CDH20: variants seen among roughly 807,000 people sequenced by gnomAD.
CDH20 encodes cadherin-20.
In CDH20, 29 loss-of-function variants were observed where a neutral mutation model predicts 74.2. The observed-to-expected ratio is 0.39, with a 90% confidence interval of 0.29 to 0.53. CDH20 has a LOEUF of 0.53. Ranked by LOEUF, CDH20 falls within the 20% of genes least tolerant of loss-of-function variation. The pLI, the probability that CDH20 is intolerant of heterozygous loss-of-function variation, is 0.69. For missense variants in CDH20, 988 were observed against 1,048.3 expected (o/e 0.94, Z 0.79); for synonymous variants, 469 against 405.4 (o/e 1.16, Z -1.88).
Position 61,490,777 on chromosome 18 carries a change from C to T in CDH20, c.224C>T (p.Thr75Ile). 1 of 1,614,090 alleles carries T rather than the reference C, an allele frequency of 6.2e-7. No individual in the cohort carries two copies. Among genetic ancestry groups the T allele is most frequent in the Non-Finnish European group, 8.5e-7 (1 of 1,180,010 alleles). ...TTCGTTCTGGAAGAGTACACTGGGA[C>T]CGACCCTTTGTATGTCGGCAAGGTA... ...QFFVLEEYTGTDPLYVGKLHS... is the reference protein window; with the variant it reads ...QFFVLEEYTGIDPLYVGKLHS... Residue 75 changes from threonine to isoleucine, a missense_variant, in exon 2 of 12, where the codon ACC becomes ATC. By Grantham distance (89) the Thr-to-Ile change is moderately conservative. Around this residue, in one of 2 missense-constraint regions of CDH20, gnomAD observed 613 missense variants for 755.2 expected, o/e 0.81. Coordinates refer to ENST00000262717, the MANE Select transcript of CDH20 (RefSeq NM_031891.4).
intron 6 of CDH20, among the ~76,000 whole-genome samples, chr18:61,511,856 G>C (rs1428446501): frequency 6.6e-6 from 1 of 152,146 alleles, no homozygotes; most frequent in South Asian, 2.1e-4. Flanking sequence ...AGGTCACTTT[G>C]ATTTCTCTTC....
intron 1 of CDH20, among the ~76,000 whole-genome samples, chr18:61,359,959 C>G (rs1910634452): frequency 1.3e-5 from 2 of 152,188 alleles, no homozygotes; most frequent in Admixed American, 6.5e-5. Flanking sequence ...CAGTCAATTA[C>G]AGAAAATTGT....
chr18:61,442,032 A>G (rs2144319795), intron 1 of CDH20, among the ~76,000 whole-genome samples: 1 of 152,278 alleles, frequency 6.6e-6, no homozygotes, highest in African/African-American at 2.4e-5. Flanking sequence ...TTAGTATTTT[A>G]TAGCAAGTAA....
At chr18:61,370,386 T>C (rs966945759) in intron 1 of CDH20, among the ~76,000 whole-genome samples, 1 of 152,128 alleles carries the variant, frequency 6.6e-6, no homozygotes, top group African/African-American at 2.4e-5. Context: ...AATATATCTA[T>C]GCTTTAGGTC....
At chr18:61,464,159 T>C (rs1909879660) in intron 1 of CDH20, among the ~76,000 whole-genome samples, 1 of 152,186 alleles carries the variant, frequency 6.6e-6, no homozygotes, top group South Asian at 2.1e-4. Context: ...TGTACCACTA[T>C]GGTAATTCTG....
chr18:61,528,174 C>G lies in CDH20; in HGVS notation c.1225C>G (p.Gln409Glu), dbSNP rs1229587621. The G allele has an allele frequency of 1.1e-5, 18 of 1,614,110 alleles. No individual in the cohort carries two copies. Among genetic ancestry groups the G allele is most frequent in the Non-Finnish European group, 1.4e-5 (17 of 1,179,978 alleles). ...PEDVAIGTTI[Q>E]IISAKDPDVT... is the part of the protein sequence containing the mutation. The stretch of plus-strand genomic sequence containing the variant: ...GGATGTGGCGATTGGAACAACCATA[C>G]AGATCATTTCTGCCAAGGACCCAGA... The change falls in exon 7 of 12, where the codon CAG (glutamine) becomes GAG (glutamate). Residue 409 changes from glutamine to glutamate, a missense_variant. Physicochemically the swap from Gln to Glu is conservative, Grantham distance 29 (BLOSUM62 2). Coordinates refer to ENST00000262717, the MANE Select transcript of CDH20 (RefSeq NM_031891.4).
intron 1 of CDH20, among the ~76,000 whole-genome samples, chr18:61,420,612 G>C (rs1429998159): frequency 6.6e-6 from 1 of 152,108 alleles, no homozygotes; most frequent in Admixed American, 6.5e-5. Context: ...GGTTTCCAGG[G>C]GAGAGGTGCT....
chr18:61,545,040 T>C lies in CDH20; in HGVS notation c.1544T>C (p.Val515Ala). 5 of 1,612,486 alleles carry C rather than the reference T, an allele frequency of 3.1e-6. No homozygotes were observed. The highest frequency in any genetic ancestry group is 4.2e-6 in the Non-Finnish European group (5 of 1,178,562). The change falls in exon 10 of 12, where the codon GTG becomes GCG. Residue 515 changes from valine to alanine, a missense_variant. Physicochemically the swap from Val to Ala is moderately conservative, Grantham distance 64. Around this residue, in one of 2 missense-constraint regions of CDH20, gnomAD observed 613 missense variants for 755.2 expected, o/e 0.81. Transcript: ENST00000262717. ...NAKAGQLIQT[V>A]SAVDQDDPRN... The stretch of plus-strand genomic sequence containing the variant: ...TCCCTCCCTCAGCTGATCCAGACAG[T>C]GAGTGCGGTGGACCAAGATGACCCA...
At chr18:61,510,673 T>A (rs1911746674) in intron 6 of CDH20, among the ~76,000 whole-genome samples, 15 of 152,294 alleles carry the variant, frequency 9.8e-5, no homozygotes, top group South Asian at 2.1e-4. Context: ...GAAATCTTTC[T>A]ATCCTGTAAA....
chr18:61,484,092 G>A (rs1037960848), intron 1 of CDH20, among the ~76,000 whole-genome samples: 1 of 152,210 alleles, frequency 6.6e-6, no homozygotes, highest in African/African-American at 2.4e-5. Context: ...AAAGTCATAA[G>A]AGAAAACACT....
At chr18:61,367,993 G>A (rs1364462859) in intron 1 of CDH20, among the ~76,000 whole-genome samples, 1 of 152,022 alleles carries the variant, frequency 6.6e-6, no homozygotes, top group Non-Finnish European at 1.5e-5. Flanking sequence ...TTACTCTGAT[G>A]ACCTCATTTT....
intron 6 of CDH20, among the ~76,000 whole-genome samples, chr18:61,516,963 C>T (rs1343865685): frequency 6.6e-6 from 1 of 152,018 alleles, no homozygotes; most frequent in African/African-American, 2.4e-5. Context: ...GTTTTAAAGT[C>T]TTAAGTAACT....
At chr18:61,534,112 A>G (rs543000273) in intron 7 of CDH20, among the ~76,000 whole-genome samples, 1 of 152,370 alleles carries the variant, frequency 6.6e-6, no homozygotes, top group South Asian at 2.1e-4. Flanking sequence ...GAAGACATAC[A>G]AATGACCAAC....
Position 61,525,079 on chromosome 18 carries a change from G to A in CDH20, c.1018-2888G>A, listed in dbSNP as rs78408438. ...ACAGAACATACATGAATCAGTGTTT[G>A]CCAGGGGCTGGGTGGGAGGGGAGAG... On this transcript the variant is annotated intron_variant, in intron 6 of 11. Transcript: ENST00000262717. Among the ~76,000 whole-genome samples, 1,192 of 146,508 alleles carry A rather than the reference G, an allele frequency of 8.1e-3. 22 individuals are homozygous for A. Among genetic ancestry groups the A allele is most frequent in the African/African-American group, 0.028 (1,141 of 40,298 alleles).
At chr18:61,465,482 C>G (rs1207980660) in intron 1 of CDH20, among the ~76,000 whole-genome samples, 1 of 152,000 alleles carries the variant, frequency 6.6e-6, no homozygotes, top group Non-Finnish European at 1.5e-5. Flanking sequence ...CAATAAGAAT[C>G]TCAGAGTTTT....
At chr18:61,515,244 G>A (rs1477804301) in intron 6 of CDH20, among the ~76,000 whole-genome samples, 1 of 152,140 alleles carries the variant, frequency 6.6e-6, no homozygotes, top group African/African-American at 2.4e-5. Context: ...CAATATTCGG[G>A]TAGGAGTGAC....
chr18:61,386,757 C>T (rs1911613185), intron 1 of CDH20, among the ~76,000 whole-genome samples: 1 of 151,972 alleles, frequency 6.6e-6, no homozygotes, highest in Non-Finnish European at 1.5e-5. Context: ...TGAATATTTA[C>T]TTACTTAAAA....
chr18:61,417,711 T>G (rs895189424), intron 1 of CDH20, among the ~76,000 whole-genome samples: 4 of 151,488 alleles, frequency 2.6e-5, no homozygotes, highest in African/African-American at 7.3e-5. Flanking sequence ...CAAAATATAG[T>G]TAGATAGGAG....
At chr18:61,527,208 T>C (rs565161498) in intron 6 of CDH20, among the ~76,000 whole-genome samples, 1 of 152,278 alleles carries the variant, frequency 6.6e-6, no homozygotes, top group East Asian at 1.9e-4. Flanking sequence ...TAAAAGGGAT[T>C]GTGCATGATG....
Sources: gnomAD v4.1 joint callset for allele counts (sites outside exome capture counted in the v4.1 genomes callset) on GRCh38, gnomAD v4.1.1 for gene constraint, gnomAD v4.1.1 regional missense constraint, MANE v1.5 for transcripts, NCBI Gene and HGNC (gene_info 2026-07-23, HGNC 2026-07-21) for gene names.